Variants in TLL1 observed in about 807,000 individuals in gnomAD.
The protein encoded by TLL1 is tolloid-like protein 1.
TLL1 carries 49 observed loss-of-function variants against 128.2 expected under a neutral mutation model. That is an observed-to-expected ratio of 0.38 (90% CI 0.30 to 0.48). TLL1 has a LOEUF of 0.48. TLL1 is among the 20% of genes least tolerant of loss of function. The probability of loss-of-function intolerance (pLI) is 0.96; values close to 1 mark genes in which losing one functional copy is unlikely to be tolerated. For synonymous variants in TLL1, 454 were observed against 418.8 expected (o/e 1.08, Z -1.03); for missense variants, 1,123 against 1,242.0 (o/e 0.90, Z 1.44).
intron 19 of TLL1, 32 bp from the exon 20 acceptor site, chr4:166,099,244 AC>A: frequency 6.2e-7 from 1 of 1,613,184 alleles, no homozygotes; most frequent in Middle Eastern, 1.7e-4. Context: ...AAGCTCATTG[AC>A]CTTACTCATC....
chr4:166,061,935 T>C (rs543638373), intron 15 of TLL1, among the ~76,000 whole-genome samples: 1 of 152,284 alleles, frequency 6.6e-6, no homozygotes, highest in South Asian at 2.1e-4. Context: ...TTTCTACATA[T>C]GGCTAGCCAG....
intron 5 of TLL1, among the ~76,000 whole-genome samples, chr4:166,001,141 T>C (rs1185798271): frequency 6.6e-6 from 1 of 152,116 alleles, no homozygotes; most frequent in East Asian, 1.9e-4. Context: ...AATCATTCGG[T>C]CAATTAGTTT....
At chr4:165,918,335 C>A (rs1410557551) in intron 1 of TLL1, among the ~76,000 whole-genome samples, 1 of 152,124 alleles carries the variant, frequency 6.6e-6, no homozygotes, top group Admixed American at 6.5e-5. Context: ...GGCTAAGAAT[C>A]TCTGGAGTCA....
In TLL1 at chr4:166,059,455, A is replaced by C. The variant is rs974440691; in HGVS notation, c.1847-573A>C. ...AAAAGAAAATCAGTATTTAAATTGGACTTTTTGGAATAACAAATATGCTCT... is the reference window on the plus strand; with the variant it reads ...AAAAGAAAATCAGTATTTAAATTGGCCTTTTTGGAATAACAAATATGCTCT... On this transcript the variant is annotated intron_variant, in intron 14 of 20. Transcript: ENST00000061240. Among the ~76,000 whole-genome samples, 5 of 152,244 alleles carry C rather than the reference A, an allele frequency of 3.3e-5. No homozygotes were observed. In the Middle Eastern group the frequency reaches 0.017, roughly 518 times the overall value.
chr4:166,064,509 G>T (rs1046841482), intron 15 of TLL1, among the ~76,000 whole-genome samples: 2 of 152,028 alleles, frequency 1.3e-5, no homozygotes, highest in Admixed American at 6.6e-5. Flanking sequence ...ACATATTCTT[G>T]TGTTCTTTAA....
At chr4:166,052,887 A>T (rs982742463) in intron 12 of TLL1, among the ~76,000 whole-genome samples, 1 of 148,922 alleles carries the variant, frequency 6.7e-6, no homozygotes, top group Non-Finnish European at 1.5e-5. Context: ...GCCTTTGGCC[A>T]TCTGGAAATG....
At chr4:166,003,796 A>T (rs188668256) in intron 6 of TLL1, among the ~76,000 whole-genome samples, 24 of 151,932 alleles carry the variant, frequency 1.6e-4, no homozygotes, top group Admixed American at 1.6e-3. Context: ...CTTTTTTAAG[A>T]TTTAGCTGTT....
At chr4:165,934,039 C>G (rs1236272357) in intron 1 of TLL1, among the ~76,000 whole-genome samples, 1 of 152,028 alleles carries the variant, frequency 6.6e-6, no homozygotes, top group Non-Finnish European at 1.5e-5. Flanking sequence ...GCTCTTATTG[C>G]CCAGGCTGGA....
At chr4:165,940,218 G>A (rs557304172) in intron 1 of TLL1, among the ~76,000 whole-genome samples, 24 of 151,664 alleles carry the variant, frequency 1.6e-4, no homozygotes, top group African/African-American at 3.1e-4. Flanking sequence ...TAGGCTTGAC[G>A]TTTTGGAATT....
chr4:165,999,293 T>C (rs1737037594), intron 5 of TLL1, among the ~76,000 whole-genome samples: 1 of 152,200 alleles, frequency 6.6e-6, no homozygotes, highest in Non-Finnish European at 1.5e-5. Context: ...TACCTGAGAC[T>C]GGGTAATTTA....
chr4:165,901,646 A>G (rs948796427), intron 1 of TLL1, among the ~76,000 whole-genome samples: 2 of 152,144 alleles, frequency 1.3e-5, no homozygotes, highest in Admixed American at 1.3e-4. Context: ...CCAGCCAGAT[A>G]CCAGCTTGAG....
chr4:166,077,393 T>C (rs1445208296), intron 17 of TLL1, among the ~76,000 whole-genome samples: 1 of 152,140 alleles, frequency 6.6e-6, no homozygotes, highest in Non-Finnish European at 1.5e-5. Flanking sequence ...AAGCTAAAAT[T>C]ATGATGTAGG....
intron 9 of TLL1, among the ~76,000 whole-genome samples, chr4:166,035,277 A>G (rs950953247): frequency 1.3e-5 from 2 of 152,184 alleles, no homozygotes; most frequent in African/African-American, 2.4e-5. Context: ...TGATGTTTGT[A>G]TGTTTCAGAG....
intron 5 of TLL1, among the ~76,000 whole-genome samples, chr4:166,000,104 C>T (rs147335663): frequency 6.6e-6 from 1 of 152,222 alleles, no homozygotes; most frequent in Non-Finnish European, 1.5e-5. Flanking sequence ...TTGCTCGATG[C>T]TACAGGTAGA....
intron 12 of TLL1, among the ~76,000 whole-genome samples, chr4:166,050,859 T>C (rs10034131): frequency 0.043 from 6,595 of 152,302 alleles, 459 homozygotes; most frequent in African/African-American, 0.14. Context: ...TCATTCTGCA[T>C]TAAAGATATG....
chr4:165,927,381 G>A (rs1733323142), intron 1 of TLL1, among the ~76,000 whole-genome samples: 1 of 152,174 alleles, frequency 6.6e-6, no homozygotes, highest in Non-Finnish European at 1.5e-5. Flanking sequence ...TGTTAAATGT[G>A]TTTAAATTTT....
intron 17 of TLL1, among the ~76,000 whole-genome samples, chr4:166,076,315 C>T (rs1741021042): frequency 6.6e-6 from 1 of 152,094 alleles, no homozygotes; most frequent in African/African-American, 2.4e-5. Flanking sequence ...TCAAGCAATC[C>T]ACCTGCCACG....
chr4:165,969,809 A>T (rs1735555222), intron 1 of TLL1, among the ~76,000 whole-genome samples: 1 of 152,124 alleles, frequency 6.6e-6, no homozygotes, highest in South Asian at 2.1e-4. Flanking sequence ...TAACTTATTA[A>T]TTTTTATTAA....
chr4:166,059,647 C>CA (rs796373446), intron 14 of TLL1, among the ~76,000 whole-genome samples: 2 of 150,156 alleles, frequency 1.3e-5, no homozygotes, highest in Non-Finnish European at 3.0e-5. Flanking sequence ...TCAATTCCGA[C>CA]AAAAAAAAAA....
Sources: gnomAD v4.1 joint callset for allele counts (sites outside exome capture counted in the v4.1 genomes callset) on GRCh38, gnomAD v4.1.1 for gene constraint, MANE v1.5 for transcripts, NCBI Gene and HGNC (gene_info 2026-07-23, HGNC 2026-07-21) for gene names.